The following RALGAPA1 variants were observed in gnomAD, a reference collection of about 807,000 sequenced individuals.
RALGAPA1 encodes the protein ral GTPase-activating protein subunit alpha-1.
Under a neutral mutation model 269.6 loss-of-function variants are expected in RALGAPA1, and 52 were observed. That is an observed-to-expected ratio of 0.19 (90% CI 0.15 to 0.24). The LOEUF (loss-of-function observed/expected upper bound fraction) is 0.24. Among genes scored for constraint, RALGAPA1 ranks in the 10% least tolerant of loss-of-function variants. The pLI is 1.00. For synonymous variants in RALGAPA1, 817 were observed against 1,008.3 expected, an observed-to-expected ratio of 0.81 and a Z score of 3.60; for missense variants, 1,917 against 3,013.9, an observed-to-expected ratio of 0.64 and a Z score of 8.52.
At chr14:35,679,232 G>A (rs914769244) in intron 21 of RALGAPA1, among the ~76,000 whole-genome samples, 1 of 152,146 alleles carries the variant, frequency 6.6e-6, no homozygotes, top group African/African-American at 2.4e-5. Flanking sequence ...CTTCTTTGTA[G>A]CAGAAAAATA....
chr14:35,665,250 T>C (rs906265584), intron 26 of RALGAPA1, among the ~76,000 whole-genome samples: 1 of 152,188 alleles, frequency 6.6e-6, no homozygotes, highest in Non-Finnish European at 1.5e-5. Context: ...AAGCATTGCC[T>C]ATACCACTTA....
At chr14:35,592,561 G>A (rs568114839) in intron 37 of RALGAPA1, among the ~76,000 whole-genome samples, 1 of 152,134 alleles carries the variant, frequency 6.6e-6, no homozygotes, top group Non-Finnish European at 1.5e-5. Flanking sequence ...AAAACTACAG[G>A]TCAATTTCTC....
intron 20 of RALGAPA1, among the ~76,000 whole-genome samples, chr14:35,684,677 C>A (rs969958322): frequency 6.6e-6 from 1 of 152,012 alleles, no homozygotes; most frequent in African/African-American, 2.4e-5. Flanking sequence ...TAAGTGGGGC[C>A]AAGAATGATG....
chr14:35,591,713 T>C (rs2058649454), intron 37 of RALGAPA1, among the ~76,000 whole-genome samples: 1 of 152,218 alleles, frequency 6.6e-6, no homozygotes, highest in Non-Finnish European at 1.5e-5. Context: ...ATTTTACCAA[T>C]GTAAACAAAC....
intron 1 of RALGAPA1, among the ~76,000 whole-genome samples, chr14:35,792,427 G>A (rs1205835630): frequency 6.6e-6 from 1 of 152,092 alleles, no homozygotes. Context: ...AAAGTGTTGG[G>A]ATTATAGGCA....
intron 21 of RALGAPA1, among the ~76,000 whole-genome samples, chr14:35,678,458 G>C (rs2065144064): frequency 6.6e-6 from 1 of 152,118 alleles, no homozygotes; most frequent in South Asian, 2.1e-4. Flanking sequence ...TTTAAGAACT[G>C]AGGCACTTGC....
intron 1 of RALGAPA1, among the ~76,000 whole-genome samples, chr14:35,791,395 G>T (rs1186205591): frequency 6.6e-6 from 1 of 152,140 alleles, no homozygotes; most frequent in Non-Finnish European, 1.5e-5. Flanking sequence ...CCTTAATTCA[G>T]AAGTTCGAGA....
At chr14:35,625,337 T>G in intron 35 of RALGAPA1, 24 bp downstream of exon 35, 2 of 1,530,190 alleles carry the variant, frequency 1.3e-6, no homozygotes, top group Non-Finnish European at 1.8e-6. Flanking sequence ...TTGCTAGTTA[T>G]GTGAAGATTT....
chr14:35,709,118 G>A (rs1171707647), intron 16 of RALGAPA1, among the ~76,000 whole-genome samples: 1 of 151,536 alleles, frequency 6.6e-6, no homozygotes, highest in East Asian at 1.9e-4. Flanking sequence ...TGGTTAATGG[G>A]TACAAAAAAA....
At chr14:35,562,577 C>T (rs1453501397) in intron 39 of RALGAPA1, among the ~76,000 whole-genome samples, 2 of 152,136 alleles carry the variant, frequency 1.3e-5, no homozygotes, top group African/African-American at 4.8e-5. Context: ...TGTGTGCTAG[C>T]CTGGCTTATT....
rs751026274 is a variant in RALGAPA1, at chr14:35,595,637, T to G, written c.7206A>C (p.Lys2402Asn). The change falls in exon 37 of 42, where the codon AAA becomes AAC. Residue 2402 changes from lysine to asparagine, a missense_variant. Physicochemically the swap from Lys to Asn is moderately conservative, Grantham distance 94 (BLOSUM62 0). This residue lies in a region of RALGAPA1 where 132 missense variants were observed against 271.2 expected (regional missense o/e 0.49). Transcript: ENST00000680220. Reference protein sequence around the residue: ...MPSDSDDSLTKKLRHLGNDEV... With the variant: ...MPSDSDDSLTNKLRHLGNDEV... Reference sequence around the variant, plus strand: ...GAAAGCACTTCTCAGCACTTACTTTTTTGGTCAAAGAATCATCAGAATCAG... The same window carrying G: ...GAAAGCACTTCTCAGCACTTACTTTGTTGGTCAAAGAATCATCAGAATCAG... 1.2e-6 allele frequency: 2 copies of G among 1,610,904 alleles called. No homozygotes were observed. Among genetic ancestry groups the G allele is most frequent in the Admixed American group, 3.3e-5 (2 of 59,984 alleles).
intron 10 of RALGAPA1, among the ~76,000 whole-genome samples, chr14:35,744,932 A>G (rs1198071230): frequency 6.6e-6 from 1 of 152,234 alleles, no homozygotes; most frequent in East Asian, 1.9e-4. Flanking sequence ...TCAATCTAAA[A>G]CACTGAAAAA....
chr14:35,603,005 C>T (rs184015213), intron 36 of RALGAPA1, among the ~76,000 whole-genome samples: 1 of 152,222 alleles, frequency 6.6e-6, no homozygotes, highest in East Asian at 1.9e-4. Flanking sequence ...TATTCTTTCT[C>T]CATTGGATGG....
chr14:35,610,505 A>T (rs1173246165), intron 35 of RALGAPA1, among the ~76,000 whole-genome samples: 1 of 151,976 alleles, frequency 6.6e-6, no homozygotes, highest in African/African-American at 2.4e-5. Flanking sequence ...GATGGTTTTG[A>T]TCTCCTGACC....
At chr14:35,712,510 A>T (rs376804519) in intron 16 of RALGAPA1, among the ~76,000 whole-genome samples, 1 of 151,756 alleles carries the variant, frequency 6.6e-6, no homozygotes, top group East Asian at 1.9e-4. Context: ...TAAATTTGTT[A>T]TATTTATTAT....
intron 29 of RALGAPA1, among the ~76,000 whole-genome samples, chr14:35,655,039 T>C (rs1483659888): frequency 1.3e-5 from 2 of 152,210 alleles, no homozygotes; most frequent in African/African-American, 4.8e-5. Context: ...TTATATTATA[T>C]ACCCATTTAG....
intron 27 of RALGAPA1, among the ~76,000 whole-genome samples, chr14:35,662,234 G>A (rs904254286): frequency 6.6e-6 from 1 of 152,180 alleles, no homozygotes; most frequent in African/African-American, 2.4e-5. Context: ...TATATTCTAT[G>A]TGTTTGGGGT....
intron 39 of RALGAPA1, among the ~76,000 whole-genome samples, chr14:35,555,748 T>C (rs1003330774): frequency 8.5e-5 from 13 of 152,160 alleles, no homozygotes; most frequent in Non-Finnish European, 1.5e-4. Context: ...GTACAGAGAT[T>C]TGCTTGGATA....
intron 7 of RALGAPA1, among the ~76,000 whole-genome samples, chr14:35,753,675 T>G (rs866771718): frequency 6.6e-6 from 1 of 152,060 alleles, no homozygotes; most frequent in African/African-American, 2.4e-5. Flanking sequence ...ATGTTTGCCA[T>G]AGGGGTGGGG....
Sources: allele counts gnomAD v4.1 joint callset (sites outside exome capture counted in the v4.1 genomes callset), GRCh38; gene constraint gnomAD v4.1.1; regional missense constraint gnomAD v4.1.1; transcripts MANE v1.5; gene names NCBI Gene and HGNC (gene_info 2026-07-23, HGNC 2026-07-21).